Variants in SLC25A37 observed in about 807,000 individuals in gnomAD.
The protein encoded by SLC25A37 is mitoferrin-1.
A neutral mutation model predicts 31.0 loss-of-function variants in SLC25A37; 17 were observed. The observed-to-expected ratio is 0.55, with a 90% CI of 0.38 to 0.82. SLC25A37 has a LOEUF of 0.82. SLC25A37 is among the 40% of genes least tolerant of loss of function. The pLI is 0.00. For missense variants in SLC25A37, 404 were observed against 465.8 expected (o/e 0.87, Z 1.22); for synonymous variants, 222 against 193.0 (o/e 1.15, Z -1.24).
chr8:23,536,002 A>G (rs899586078), intron 1 of SLC25A37, among the ~76,000 whole-genome samples: 3 of 152,164 alleles, frequency 2.0e-5, no homozygotes, highest in African/African-American at 7.2e-5. Flanking sequence ...GAGCTATTTT[A>G]TAGGGTTGTT....
At chr8:23,547,906 G>A (rs569037633) in intron 1 of SLC25A37, among the ~76,000 whole-genome samples, 3 of 152,326 alleles carry the variant, frequency 2.0e-5, no homozygotes, top group South Asian at 2.1e-4. Context: ...TCTGTTTACA[G>A]CTCTCTGACT....
rs1802916878 is a variant in SLC25A37, at chr8:23,573,608, T to G, written c.*1753T>G. 1 of 339,886 alleles carries G rather than the reference T, an allele frequency of 2.9e-6. No individual in the cohort carries two copies. The highest frequency in any genetic ancestry group is 2.1e-5 in the African/African-American group (1 of 46,702). 21.1% of individuals were successfully genotyped at this position (339,886 alleles called of 1,614,324 possible). On this transcript the variant is annotated 3_prime_UTR_variant, in exon 4 of 4. Transcript: ENST00000519973. ...AGTAACACGTGGAGAATTTCCATCT[T>G]GGGACCATGCACACAGTGCCTTGGG... is the stretch of plus-strand genomic sequence containing the variant.
At chr8:23,567,274 C>CT (rs1281814278) in intron 2 of SLC25A37, 1 of 152,164 alleles carries the variant, frequency 6.6e-6, no homozygotes, top group Non-Finnish European at 1.5e-5. Context: ...ATAAGTGTGC[C>CT]TGGCTGGTTT....
chr8:23,545,486 G>A (rs1163469300), intron 1 of SLC25A37, among the ~76,000 whole-genome samples: 3 of 152,216 alleles, frequency 2.0e-5, no homozygotes, highest in Non-Finnish European at 2.9e-5. Context: ...TTTGGAAACC[G>A]AGTCCTGTTT....
In SLC25A37 at chr8:23,529,807, C is replaced by T. The variant is rs1242833425; in HGVS notation, c.210+595C>T. ...GGTTCGACAGCGGCCCGTGGGATCCCCTTTCTGAGGGTTCCTGCACTTCTT... is the reference window on the plus strand; with the variant it reads ...GGTTCGACAGCGGCCCGTGGGATCCTCTTTCTGAGGGTTCCTGCACTTCTT... On this transcript the variant is annotated intron_variant, in intron 1 of 3. Transcript: ENST00000519973. This position sits in a 1 kb window ranked among gnomAD's most constrained non-coding sequence, Gnocchi z 4.1. Among the ~76,000 whole-genome samples, 2 of 152,132 alleles carry T rather than the reference C, an allele frequency of 1.3e-5. No homozygotes were observed. The highest frequency in any genetic ancestry group is 4.8e-5 in the African/African-American group (2 of 41,446).
In SLC25A37 at chr8:23,571,733, T is replaced by A. The variant is rs1265957265; in HGVS notation, c.895T>A (p.Phe299Ile). Residue 299 changes from phenylalanine (F) to isoleucine (I), a missense_variant, in exon 4 of 4, where the codon TTC becomes ATC. This residue lies in a region of SLC25A37 where 243 missense variants were observed against 284.4 expected (regional missense o/e 0.85). Transcript: ENST00000519973. ...VYQLNGLAGY[F>I]KGIQARVIYQ... ...CCAGCTCAACGGCCTGGCCGGCTAC[T>A]TCAAAGGCATCCAGGCGCGTGTCAT... is the stretch of plus-strand genomic sequence containing the variant. The A allele has an allele frequency of 6.2e-7, 1 of 1,614,048 alleles. No individual in the cohort carries two copies. The highest frequency in any genetic ancestry group is 1.7e-5 in the Admixed American group (1 of 60,032).
chr8:23,540,422 C>T (rs552887294), intron 1 of SLC25A37, among the ~76,000 whole-genome samples: 5 of 152,228 alleles, frequency 3.3e-5, no homozygotes, highest in South Asian at 2.1e-4. Flanking sequence ...AGAGTTGAGT[C>T]GAGGGAGTAA....
At chr8:23,535,616 G>A (rs1427191089) in intron 1 of SLC25A37, among the ~76,000 whole-genome samples, 1 of 152,204 alleles carries the variant, frequency 6.6e-6, no homozygotes, top group Non-Finnish European at 1.5e-5. Flanking sequence ...GTGGGGATAT[G>A]AATACTGTAT....
chr8:23,574,653 A>T lies in SLC25A37; in HGVS notation c.*2798A>T, dbSNP rs1802941548. On this transcript the variant is annotated 3_prime_UTR_variant, in exon 4 of 4. Coordinates refer to ENST00000519973, the MANE Select transcript of SLC25A37 (RefSeq NM_016612.4). ...TACAAGTGTTTGTTAATTTTGTAGA[A>T]ATTAACTTTCCCATCTGGCCTTTAT... 6.5e-6 allele frequency: 1 copy of T among 154,806 alleles called. No individual in the cohort carries two copies. Among genetic ancestry groups the T allele is most frequent in the South Asian group, 2.0e-4 (1 of 4,924 alleles). 9.6% of individuals were successfully genotyped at this position (154,806 alleles called of 1,614,324 possible). A position where few individuals can be genotyped will look rare whatever the true frequency, so the allele number is the denominator to read the frequency against.
chr8:23,573,842 C>G lies in SLC25A37; in HGVS notation c.*1987C>G, dbSNP rs1339295671. The G allele has an allele frequency of 2.2e-6, 1 of 456,646 alleles. No homozygotes were observed. The highest frequency in any genetic ancestry group is 4.4e-6 in the Non-Finnish European group (1 of 226,992). The allele number at this position is 456,646 out of a possible 1,614,324, so 28.3% of individuals were successfully genotyped here. A position where few individuals can be genotyped will look rare whatever the true frequency, so the allele number is the denominator to read the frequency against. On this transcript the variant is annotated 3_prime_UTR_variant, in exon 4 of 4. Transcript: ENST00000519973. ...TGCTCTGCCCCCCACTCCCCAAAAC[C>G]AGTTGCAGCCTCAACCCACATGGGG... is the stretch of plus-strand genomic sequence containing the variant.
Position 23,529,638 on chromosome 8 carries a change from G to C in SLC25A37, c.210+426G>C, listed in dbSNP as rs1045709765. 1.3e-5 allele frequency among the ~76,000 whole-genome samples: 2 copies of C among 152,204 alleles called. No individual in the cohort carries two copies. The highest frequency in any genetic ancestry group is 2.9e-5 in the Non-Finnish European group (2 of 68,020). ...TCCGAGGGAGCTCCCCGCAGGGGAA[G>C]CCCTCACCACGCTGGAGCTGAGAAA... On this transcript the variant is annotated intron_variant, in intron 1 of 3. Transcript: ENST00000519973. The surrounding 1 kb of genome is among the most constrained non-coding windows in gnomAD (Gnocchi z 4.1).
intron 1 of SLC25A37, among the ~76,000 whole-genome samples, chr8:23,538,058 GAA>G (rs34577086): frequency 0.018 from 2,702 of 147,066 alleles, 39 homozygotes; most frequent in East Asian, 0.072. Flanking sequence ...TAAAAAAGAT[GAA>G]AAAAAAAAAA....
chr8:23,534,506 T>G (rs916902404), intron 1 of SLC25A37, among the ~76,000 whole-genome samples: 2 of 152,312 alleles, frequency 1.3e-5, no homozygotes, highest in African/African-American at 4.8e-5. Flanking sequence ...ATTTTTCCAG[T>G]GGGCCTTGTG....
At chr8:23,533,761 C>T (rs1016268744) in intron 1 of SLC25A37, among the ~76,000 whole-genome samples, 9 of 152,228 alleles carry the variant, frequency 5.9e-5, no homozygotes, top group African/African-American at 1.4e-4. Context: ...GTTTTTAATC[C>T]GAAATACCGG....
In SLC25A37 at chr8:23,571,668, G is replaced by GC. The variant is rs768311871; in HGVS notation, c.832dup (p.Arg278ProfsTer44). The GC allele has an allele frequency of 6.2e-7, 1 of 1,613,924 alleles. No individual in the cohort carries two copies. Among genetic ancestry groups the GC allele is most frequent in the South Asian group, 1.1e-5 (1 of 91,082 alleles). ...GCCCTCTCGCTGGCCAACATCAGCG[G>GC]CCGGCTGTCGGGTATGGCCAATGCC... On this transcript the variant is annotated frameshift_variant, in exon 4 of 4. Coordinates refer to ENST00000519973, the MANE Select transcript of SLC25A37 (RefSeq NM_016612.4). LOFTEE classifies it high-confidence loss of function.
In SLC25A37 at chr8:23,546,027, TGA is replaced by T. The variant is rs1241798766; in HGVS notation, c.210+16819_210+16820del. 9.2e-5 allele frequency among the ~76,000 whole-genome samples: 14 copies of T among 151,920 alleles called. No individual in the cohort carries two copies. In the East Asian group the frequency reaches 1.4e-3, roughly 15 times the overall value. Reference sequence around the variant, plus strand: ...GCAGATGCCTATAATCTCAGCTACTTGAGAGGCTGAGGCGGGAGAATCACTTG... The same window carrying T: ...GCAGATGCCTATAATCTCAGCTACTTGAGGCTGAGGCGGGAGAATCACTTG... On this transcript the variant is annotated intron_variant, in intron 1 of 3. Transcript: ENST00000519973.
rs571026259 is a variant in SLC25A37, at chr8:23,544,272, C to A, written c.210+15060C>A. Among the ~76,000 whole-genome samples, 6 of 152,308 alleles carry A rather than the reference C, an allele frequency of 3.9e-5. No individual in the cohort carries two copies. In the East Asian group the frequency reaches 1.2e-3, roughly 29 times the overall value. ...GCTGTACAGGTTTGTAGCCTAGGAG[C>A]AACACACTATAGCGTACAGCCTAGG... On this transcript the variant is annotated intron_variant, in intron 1 of 3. Transcript: ENST00000519973.
intron 1 of SLC25A37, chr8:23,541,581 T>G (rs994221837): frequency 6.6e-6 from 1 of 152,280 alleles, no homozygotes; most frequent in African/African-American, 2.4e-5. Flanking sequence ...GGCCTGGCTT[T>G]AGAAGCAGAA....
chr8:23,551,363 C>G (rs1360478054), intron 1 of SLC25A37, among the ~76,000 whole-genome samples: 1 of 152,122 alleles, frequency 6.6e-6, no homozygotes, highest in East Asian at 1.9e-4. Context: ...TGCGAGTCCC[C>G]TTGCTCTTTG....
Sources: allele counts gnomAD v4.1 joint callset (sites outside exome capture counted in the v4.1 genomes callset), GRCh38; gene constraint gnomAD v4.1.1; regional missense constraint gnomAD v4.1.1; non-coding constraint Gnocchi (gnomAD v3.1); transcripts MANE v1.5; gene names NCBI Gene and HGNC (gene_info 2026-07-23, HGNC 2026-07-21).